Variants in CAMK1D observed in about 807,000 individuals in gnomAD.
CAMK1D encodes calcium/calmodulin dependent protein kinase ID, also known as calcium/calmodulin-dependent protein kinase type 1D.
CAMK1D carries 9 observed loss-of-function variants against 47.7 expected under a neutral mutation model. The ratio of observed to expected loss-of-function variants is 0.19; its 90% CI spans 0.11 to 0.33. The LOEUF (loss-of-function observed/expected upper bound fraction) is 0.33, where lower values mean the gene tolerates loss of function less well. Among genes scored for constraint, CAMK1D ranks in the 10% least tolerant of loss-of-function variants. CAMK1D has a pLI of 1.00. For synonymous variants in CAMK1D, 184 were observed against 184.9 expected (o/e 0.99, Z 0.04); for missense variants, 291 against 488.7 (o/e 0.60, Z 3.81).
At chr10:12,729,628 C>G (rs7090288) in intron 3 of CAMK1D, among the ~76,000 whole-genome samples, 37,008 of 151,886 alleles carry the variant, frequency 0.24, 4,721 homozygotes, top group East Asian at 0.37. Flanking sequence ...GACCCTGTCT[C>G]AAAAAATAAT....
chr10:12,556,847 T>C (rs965329473), intron 2 of CAMK1D, among the ~76,000 whole-genome samples: 1 of 152,168 alleles, frequency 6.6e-6, no homozygotes, highest in Non-Finnish European at 1.5e-5. Flanking sequence ...ACTCTATGTA[T>C]GTAGGGAGAA....
In CAMK1D at chr10:12,387,445, T is replaced by TTATATATTATATATATTTTATA. The variant is rs1838558957; in HGVS notation, c.92+37542_92+37543insTATATATATTTTATATATATAT. Among the ~76,000 whole-genome samples the TTATATATTATATATATTTTATA allele has an allele frequency of 3.6e-4, 24 of 66,650 alleles. 1 individual carries two copies. The highest frequency in any genetic ancestry group is 9.5e-4 in the African/African-American group (22 of 23,230). 43.7% of individuals were successfully genotyped at this position (66,650 alleles called of 152,430 possible). On this transcript the variant is annotated intron_variant, in intron 1 of 10. Transcript: ENST00000619168. ...ATATATTTTATATATTATATATATT[T>TTATATATTATATATATTTTATA]TATATATATATATATATATAGACAT...
chr10:12,403,563 G>C (rs1839306777), intron 1 of CAMK1D, among the ~76,000 whole-genome samples: 1 of 152,124 alleles, frequency 6.6e-6, no homozygotes, highest in African/African-American at 2.4e-5. Flanking sequence ...ATTTACTATT[G>C]AATGTAAATC....
rs1491273932 is a variant in CAMK1D at position 12,504,107 on chromosome 10, G to GA, written c.93-49118_93-49117insA. ...TAAACATAAACGGAACCAATAAGAT[G>GA]GGTGTGTGTGTGTGTGTGTGTCTGT... is the stretch of plus-strand genomic sequence containing the variant. On this transcript the variant is annotated intron_variant, in intron 1 of 10. Coordinates refer to ENST00000619168, the MANE Select transcript of CAMK1D (RefSeq NM_153498.4). Among the ~76,000 whole-genome samples, 38 of 138,934 alleles carry GA rather than the reference G, an allele frequency of 2.7e-4. No homozygotes were observed. In the South Asian group the frequency reaches 3.6e-3, roughly 13 times the overall value. The allele number at this position is 138,934 out of a possible 152,430, so 91.1% of individuals were successfully genotyped here.
At chr10:12,702,710 G>A (rs531090293) in intron 3 of CAMK1D, among the ~76,000 whole-genome samples, 6 of 152,316 alleles carry the variant, frequency 3.9e-5, no homozygotes, top group East Asian at 1.9e-4. Flanking sequence ...TTATAGCCTC[G>A]TGGCCATGAG....
At chr10:12,614,669 G>T (rs57766438) in intron 2 of CAMK1D, among the ~76,000 whole-genome samples, 35,186 of 152,002 alleles carry the variant, frequency 0.23, 4,570 homozygotes, top group South Asian at 0.35. Context: ...ACTAAGTCCG[G>T]GTTGAGAGGC....
chr10:12,791,506 C>G (rs1837977652), intron 6 of CAMK1D, among the ~76,000 whole-genome samples: 1 of 152,140 alleles, frequency 6.6e-6, no homozygotes, highest in African/African-American at 2.4e-5. Context: ...CCCCTGGAAA[C>G]CTCTGTACTC....
chr10:12,362,943 C>CTTT (rs397809296), intron 1 of CAMK1D, among the ~76,000 whole-genome samples: 102 of 135,296 alleles, frequency 7.5e-4, no homozygotes, highest in Non-Finnish European at 1.2e-3. Context: ...CCCGCCCGGC[C>CTTT]TTTTTTTTTT....
chr10:12,408,260 C>T (rs1354258151), intron 1 of CAMK1D, among the ~76,000 whole-genome samples: 2 of 152,020 alleles, frequency 1.3e-5, no homozygotes, highest in Non-Finnish European at 2.9e-5. Context: ...CTCCCGGGCT[C>T]ACGCCATACT....
chr10:12,481,173 C>G (rs1221889393), intron 1 of CAMK1D, among the ~76,000 whole-genome samples: 1 of 152,158 alleles, frequency 6.6e-6, no homozygotes, highest in Non-Finnish European at 1.5e-5. Flanking sequence ...TTGCAACTTC[C>G]CCAATTACTC....
intron 1 of CAMK1D, among the ~76,000 whole-genome samples, chr10:12,512,145 C>T (rs1835059222): frequency 6.6e-6 from 1 of 152,194 alleles, no homozygotes; most frequent in South Asian, 2.1e-4. Flanking sequence ...TGATAAAAAG[C>T]CCAGTGCCTG....
At chr10:12,684,526 A>G (rs1564490381) in intron 3 of CAMK1D, among the ~76,000 whole-genome samples, 1 of 152,242 alleles carries the variant, frequency 6.6e-6, no homozygotes, top group East Asian at 1.9e-4. Context: ...ATATAGTAGA[A>G]GATGATCAAT....
At chr10:12,589,683 T>C (rs964131630) in intron 2 of CAMK1D, among the ~76,000 whole-genome samples, 1 of 151,852 alleles carries the variant, frequency 6.6e-6, no homozygotes, top group African/African-American at 2.4e-5. Context: ...ACACAGGGAG[T>C]AGCTTCAGAT....
At chr10:12,745,151 C>A (rs904898117) in intron 3 of CAMK1D, among the ~76,000 whole-genome samples, 4 of 152,226 alleles carry the variant, frequency 2.6e-5, no homozygotes, top group African/African-American at 9.6e-5. Context: ...CTGCCTCAGC[C>A]TCCCGAGTAG....
chr10:12,349,825 C>G lies in CAMK1D; in HGVS notation c.7C>G (p.Arg3Gly). The part of the protein sequence containing the change: MA[R>G]ENGESSSSWK... The stretch of plus-strand genomic sequence containing the variant: ...CGCGCCGCGCTCGTCGGCCATGGCC[C>G]GGGAGAACGGCGAGAGCAGCTCCTC... Residue 3 changes from arginine to glycine, a missense_variant, in exon 1 of 11, where the codon CGG becomes GGG. Physicochemically the swap from Arg to Gly is moderately radical, Grantham distance 125. Around this residue, in one of 2 missense-constraint regions of CAMK1D, gnomAD observed 219 missense variants for 424.3 expected, o/e 0.52. Coordinates refer to ENST00000619168, the MANE Select transcript of CAMK1D (RefSeq NM_153498.4). 6.7e-7 allele frequency: 1 copy of G among 1,491,464 alleles called. No individual in the cohort carries two copies. Among genetic ancestry groups the G allele is most frequent in the South Asian group, 1.2e-5 (1 of 83,532 alleles). The allele number at this position is 1,491,464 out of a possible 1,614,324, so 92.4% of individuals were successfully genotyped here.
intron 2 of CAMK1D, among the ~76,000 whole-genome samples, chr10:12,556,656 G>A (rs1278318511): frequency 1.3e-5 from 2 of 152,174 alleles, no homozygotes. Context: ...TCAGGGGGAG[G>A]CCTGGAGACA....
At chr10:12,419,512 C>A (rs554461251) in intron 1 of CAMK1D, among the ~76,000 whole-genome samples, 1 of 152,194 alleles carries the variant, frequency 6.6e-6, no homozygotes, top group South Asian at 2.1e-4. Flanking sequence ...ATGCAGGGCA[C>A]ATATTAGACA....
chr10:12,376,542 G>T (rs1388501089), intron 1 of CAMK1D, among the ~76,000 whole-genome samples: 1 of 152,122 alleles, frequency 6.6e-6, no homozygotes, highest in Non-Finnish European at 1.5e-5. Context: ...GGTGTGAAGG[G>T]TCTTTGTTAG....
At chr10:12,394,938 C>A (rs2131899071) in intron 1 of CAMK1D, among the ~76,000 whole-genome samples, 1 of 152,194 alleles carries the variant, frequency 6.6e-6, no homozygotes, top group South Asian at 2.1e-4. Context: ...GAGGGCAGGG[C>A]TGGGACATGG....
Sources: gnomAD v4.1 joint callset for allele counts (sites outside exome capture counted in the v4.1 genomes callset) on GRCh38, gnomAD v4.1.1 for gene constraint, gnomAD v4.1.1 regional missense constraint, MANE v1.5 for transcripts, NCBI Gene and HGNC (gene_info 2026-07-23, HGNC 2026-07-21) for gene names.